LIPG: variants seen among roughly 807,000 people sequenced by gnomAD.
The protein encoded by LIPG is endothelial lipase.
A neutral mutation model predicts 51.8 loss-of-function variants in LIPG; 34 were observed. That is an observed-to-expected ratio of 0.66 (90% confidence interval 0.50 to 0.87). The LOEUF is 0.87. Among genes scored for constraint, LIPG ranks in the 40% least tolerant of loss-of-function variants. The pLI, the probability that LIPG is intolerant of heterozygous loss-of-function variation, is 0.00. For missense variants in LIPG, 580 were observed against 652.7 expected (o/e 0.89, Z 1.21); for synonymous variants, 246 against 246.1 (o/e 1.00, Z 0.00).
Position 49,593,591 on chromosome 18 carries a change from T to C in LIPG, c.*3069T>C, listed in dbSNP as rs951639376. 1 of 152,166 alleles carries C rather than the reference T, an allele frequency of 6.6e-6. No individual in the cohort carries two copies. The highest frequency in any genetic ancestry group is 6.5e-5 in the Admixed American group (1 of 15,270). 9.4% of individuals were successfully genotyped at this position (152,166 alleles called of 1,614,324 possible). A position where few individuals can be genotyped will look rare whatever the true frequency, so the allele number is the denominator to read the frequency against. ...GTTAAAGTCCCAGCTGGTAGTAAGG[T>C]TCTATTCTACAGGCCAAGAGGGCTG... On this transcript the variant is annotated 3_prime_UTR_variant, in exon 10 of 10. Transcript: ENST00000261292.
rs1241598320 is a variant in LIPG at position 49,586,812 on chromosome 18, C to T, written c.1443C>T (p.Arg481=). ...CCCCAGGCCGGGAGCTCTGGTTTCG[C>T]AAGTGTCGGGATGGCTGGAGGATGA... is the stretch of plus-strand genomic sequence containing the variant. ...SISPGRELWF[R]KCRDGWRMKN... The change falls in exon 9 of 10, where the codon CGC becomes CGT. Residue 481 remains arginine, a synonymous_variant. Coordinates refer to ENST00000261292, the MANE Select transcript of LIPG (RefSeq NM_006033.4). 5 of 1,614,040 alleles carry T rather than the reference C, an allele frequency of 3.1e-6. No individual in the cohort carries two copies. Among genetic ancestry groups the T allele is most frequent in the East Asian group, 2.2e-5 (1 of 44,898 alleles).
intron 8 of LIPG, among the ~76,000 whole-genome samples, chr18:49,584,122 G>A (rs1212798950): frequency 2.0e-5 from 3 of 152,072 alleles, no homozygotes; most frequent in Admixed American, 6.6e-5. Context: ...TTTACTGTGG[G>A]GTCCATGCAG....
chr18:49,581,539 G>T lies in LIPG; in HGVS notation c.918G>T (p.Gly306=). 1 of 1,614,166 alleles carries T rather than the reference G, an allele frequency of 6.2e-7. No individual in the cohort carries two copies. The highest frequency in any genetic ancestry group is 2.2e-5 in the East Asian group (1 of 44,882). ...CTGACTCCAATCGCTTCAAAAAGGG[G>T]ATCTGTCTGAGCTGCCGCAAGAACC... ...QCTDSNRFKK[G]ICLSCRKNRC... is the part of the protein sequence containing the mutation. Residue 306 remains glycine, a synonymous_variant, in exon 6 of 10, where the codon GGG becomes GGT. Coordinates refer to ENST00000261292, the MANE Select transcript of LIPG (RefSeq NM_006033.4).
chr18:49,566,041 T>C (rs1039158149), intron 2 of LIPG, among the ~76,000 whole-genome samples: 5 of 152,264 alleles, frequency 3.3e-5, no homozygotes, highest in African/African-American at 1.2e-4. Context: ...AGGGCTTTAG[T>C]GCTCAGCTTC....
chr18:49,561,841 T>C (rs1490883039), upstream of LIPG: 2 of 1,253,512 alleles, frequency 1.6e-6, no homozygotes, highest in Non-Finnish European at 2.0e-6. Flanking sequence ...CGCAGCTGCC[T>C]GCGGAGCGGG....
At chr18:49,576,538 G>A in intron 5 of LIPG, among the ~76,000 whole-genome samples, 1 of 129,720 alleles carries the variant, frequency 7.7e-6, no homozygotes, top group Admixed American at 9.5e-5. Flanking sequence ...TGCGATCTCA[G>A]CTCACTACAA....
intron 5 of LIPG, among the ~76,000 whole-genome samples, chr18:49,578,709 C>G (rs1325463783): frequency 6.7e-6 from 1 of 150,270 alleles, no homozygotes; most frequent in Non-Finnish European, 1.5e-5. Context: ...CGAGATCACG[C>G]CACTGCACTC....
chr18:49,590,201 GTGTGTGTA>G (rs2084926238), intron 9 of LIPG: 1 of 488,640 alleles, frequency 2.0e-6, no homozygotes, highest in African/African-American at 2.0e-5. Context: ...GTGTGTGTGT[GTGTGTGTA>G]TGTTGTGGGT....
chr18:49,591,829 C>T lies in LIPG; in HGVS notation c.*1307C>T, dbSNP rs192005561. The T allele has an allele frequency of 6.8e-4, 104 of 152,304 alleles. No homozygotes were observed. Among genetic ancestry groups the T allele is most frequent in the African/African-American group, 2.2e-3 (92 of 41,562 alleles). 9.4% of individuals were successfully genotyped at this position (152,304 alleles called of 1,614,324 possible). On this transcript the variant is annotated 3_prime_UTR_variant, in exon 10 of 10. Transcript: ENST00000261292. ...TACAAAACTGAGGCTTAGTGAGGTT[C>T]AGCCACATGCCTAGACTTATATACT...
rs1317429921 is a variant in LIPG, at chr18:49,596,348, T to G, written c.*5826T>G. The stretch of plus-strand genomic sequence containing the variant: ...CTAAAATGCTAATAAAATGTACTCC[T>G]TAGGGCCAGGTGCGGTGGCTCACAC... On this transcript the variant is annotated 3_prime_UTR_variant, in exon 10 of 10. Transcript: ENST00000261292. 6.6e-6 allele frequency: 1 copy of G among 151,998 alleles called. No individual in the cohort carries two copies. The highest frequency in any genetic ancestry group is 2.4e-5 in the African/African-American group (1 of 41,378). 9.4% of individuals were successfully genotyped at this position (151,998 alleles called of 1,614,324 possible).
chr18:49,586,483 G>GACA (rs1255232149), intron 8 of LIPG, among the ~76,000 whole-genome samples: 1 of 124,054 alleles, frequency 8.1e-6, no homozygotes, highest in Non-Finnish European at 1.8e-5. Context: ...GGCCTTGAGA[G>GACA]GCAGGTGGCC....
chr18:49,585,938 A>G lies in LIPG; in HGVS notation c.1377-808A>G, dbSNP rs554063853. Reference sequence around the variant, plus strand: ...CATGTTTTTATATGTGTATAAACATATAGGTCCTAAGGTCCTTAGGGCTTC... The same window carrying G: ...CATGTTTTTATATGTGTATAAACATGTAGGTCCTAAGGTCCTTAGGGCTTC... On this transcript the variant is annotated intron_variant, in intron 8 of 9. Coordinates refer to ENST00000261292, the MANE Select transcript of LIPG (RefSeq NM_006033.4). Among the ~76,000 whole-genome samples the G allele has an allele frequency of 2.0e-5, 3 of 152,308 alleles. No homozygotes were observed. The South Asian group carries it at 6.2e-4, about 32-fold the overall frequency.
At position 49,569,451 on chromosome 18, in the gene LIPG, TTC is replaced by T; in HGVS notation, c.479_480del (p.Leu160ArgfsTer40). ...ACTTTCTATAGGAGAAGGACGATTT[TTC>T]TCTCGGGAATGTCCACTTGATCGGC... The part of the protein sequence containing the change: ...LDWLQEKDDF[S>X]LGNVHLIGYS... On this transcript the variant is annotated frameshift_variant, in exon 4 of 10. Coordinates refer to ENST00000261292, the MANE Select transcript of LIPG (RefSeq NM_006033.4). LOFTEE classifies it high-confidence loss of function. 6.2e-7 allele frequency: 1 copy of T among 1,614,212 alleles called. No individual in the cohort carries two copies. The highest frequency in any genetic ancestry group is 1.1e-5 in the South Asian group (1 of 91,080).
chr18:49,587,568 CAAAAAAA>C lies in LIPG; in HGVS notation c.1481+738_1481+744del, dbSNP rs34734805. Among the ~76,000 whole-genome samples the C allele has an allele frequency of 8.9e-3, 375 of 42,304 alleles. 3 individuals are homozygous for C. Among genetic ancestry groups the C allele is most frequent in the South Asian group, 0.032 (22 of 690 alleles). The allele number at this position is 42,304 out of a possible 152,430, so 27.8% of individuals were successfully genotyped here. On this transcript the variant is annotated intron_variant, in intron 9 of 9. Transcript: ENST00000261292. ...TGGGTGACAGAGTGAGACTCCGTCT[CAAAAAAA>C]AAAAAAAAAAAAAAAAAAAGAAGCT...
intron 3 of LIPG, among the ~76,000 whole-genome samples, chr18:49,568,081 G>A (rs1254061740): frequency 6.6e-6 from 1 of 152,190 alleles, no homozygotes; most frequent in Non-Finnish European, 1.5e-5. Flanking sequence ...CCAGGCTGGA[G>A]TACAGTGGTG....
At chr18:49,570,221 A>G (rs61766077) in intron 4 of LIPG, among the ~76,000 whole-genome samples, 12,051 of 152,310 alleles carry the variant, frequency 0.079, 536 homozygotes, top group South Asian at 0.14. Flanking sequence ...CCAGGGGGTC[A>G]ACAGAAAATT....
chr18:49,576,377 T>C (rs2148850999), intron 5 of LIPG, among the ~76,000 whole-genome samples: 1 of 151,840 alleles, frequency 6.6e-6, no homozygotes, highest in Non-Finnish European at 1.5e-5. Context: ...ATTTTAATTT[T>C]TTTCAACTTT....
intron 5 of LIPG, among the ~76,000 whole-genome samples, chr18:49,579,027 G>T (rs1264537295): frequency 0.3 from 20 of 66 alleles, 1 homozygote; most frequent in Non-Finnish European, 0.23. Context: ...AGAGGGAGAG[G>T]GAGAGGGAGA....
rs1000537952 is a variant in LIPG at position 49,562,080 on chromosome 18, C to A, written c.-229C>A. 7 of 1,440,436 alleles carry A rather than the reference C, an allele frequency of 4.9e-6. No homozygotes were observed. Among genetic ancestry groups the A allele is most frequent in the Middle Eastern group, 2.6e-4 (1 of 3,910 alleles). 89.2% of individuals were successfully genotyped at this position (1,440,436 alleles called of 1,614,324 possible). A position where few individuals can be genotyped will look rare whatever the true frequency, so the allele number is the denominator to read the frequency against. Reference sequence around the variant, plus strand: ...ACAGCAGCGAGTCCTTGCCTCCCGGCGGCTCAGGACGAGGGCAGATCTCGT... The same window carrying A: ...ACAGCAGCGAGTCCTTGCCTCCCGGAGGCTCAGGACGAGGGCAGATCTCGT... On this transcript the variant is annotated 5_prime_UTR_variant, in exon 1 of 10. Transcript: ENST00000261292.
Sources: gnomAD v4.1 joint callset for allele counts (sites outside exome capture counted in the v4.1 genomes callset) on GRCh38, gnomAD v4.1.1 for gene constraint, MANE v1.5 for transcripts, NCBI Gene and HGNC (gene_info 2026-07-23, HGNC 2026-07-21) for gene names.